ZFPM2: variants seen among roughly 807,000 people sequenced by gnomAD.
ZFPM2 encodes zinc finger protein ZFPM2.
In ZFPM2, 20 loss-of-function variants were observed where a neutral mutation model predicts 98.6. The observed-to-expected ratio is 0.20, with a 90% CI of 0.14 to 0.29. ZFPM2 has a LOEUF of 0.29. Among genes scored for constraint, ZFPM2 ranks in the 10% least tolerant of loss-of-function variants. The probability of loss-of-function intolerance (pLI) is 1.00; values close to 1 mark genes in which losing one functional copy is unlikely to be tolerated. For missense variants in ZFPM2, 1,310 were observed against 1,388.6 expected (o/e 0.94, Z 0.90); for synonymous variants, 518 against 502.7 (o/e 1.03, Z -0.41).
At chr8:105,601,711 G>A (rs546248304) in intron 4 of ZFPM2, among the ~76,000 whole-genome samples, 31 of 152,184 alleles carry the variant, frequency 2.0e-4, no homozygotes, top group African/African-American at 6.7e-4. Context: ...AGGATTTGCA[G>A]AAAGTCACAC....
chr8:105,771,057 G>C (rs1236683160), intron 5 of ZFPM2, among the ~76,000 whole-genome samples: 2 of 152,162 alleles, frequency 1.3e-5, no homozygotes, highest in Admixed American at 1.3e-4. Context: ...TAAAGGAAGA[G>C]AAATATGTTG....
chr8:105,642,520 A>C (rs1032446033), intron 5 of ZFPM2, among the ~76,000 whole-genome samples: 2 of 152,176 alleles, frequency 1.3e-5, no homozygotes, highest in African/African-American at 4.8e-5. Flanking sequence ...TCTTTGCCTT[A>C]TCCACAAAGT....
At chr8:105,693,631 T>C (rs754188865) in intron 5 of ZFPM2, among the ~76,000 whole-genome samples, 1 of 152,240 alleles carries the variant, frequency 6.6e-6, no homozygotes, top group Non-Finnish European at 1.5e-5. Flanking sequence ...TTGTTATCCA[T>C]TTTAAATTTT....
intron 3 of ZFPM2, among the ~76,000 whole-genome samples, chr8:105,482,855 G>T (rs1813147071): frequency 6.6e-6 from 1 of 151,746 alleles, no homozygotes; most frequent in South Asian, 2.1e-4. Context: ...GTTGATACTT[G>T]CATCTCATTT....
chr8:105,416,057 G>A (rs1295505258), intron 1 of ZFPM2, among the ~76,000 whole-genome samples: 1 of 151,704 alleles, frequency 6.6e-6, no homozygotes, highest in Non-Finnish European at 1.5e-5. Flanking sequence ...CAAAGGAATA[G>A]CCAACATGTA....
At chr8:105,755,727 T>C (rs1209838654) in intron 5 of ZFPM2, among the ~76,000 whole-genome samples, 1 of 152,086 alleles carries the variant, frequency 6.6e-6, no homozygotes, top group Non-Finnish European at 1.5e-5. Flanking sequence ...ACTGCCTTTT[T>C]TAAAAAAACA....
At chr8:105,567,406 C>A (rs570327495) in intron 4 of ZFPM2, among the ~76,000 whole-genome samples, 1 of 152,326 alleles carries the variant, frequency 6.6e-6, no homozygotes, top group Admixed American at 6.5e-5. Context: ...AACACCTCCG[C>A]TTCCCTTCCT....
intron 4 of ZFPM2, among the ~76,000 whole-genome samples, chr8:105,628,889 C>T (rs559193986): frequency 2.0e-5 from 3 of 147,760 alleles, no homozygotes; most frequent in South Asian, 2.2e-4. Flanking sequence ...CCTTTGCCCT[C>T]GCTGGTGATG....
intron 4 of ZFPM2, among the ~76,000 whole-genome samples, chr8:105,573,754 G>T (rs1369589254): frequency 2.6e-5 from 4 of 152,064 alleles, no homozygotes; most frequent in Non-Finnish European, 5.9e-5. Flanking sequence ...TTCTCCTTTG[G>T]TAATTTTGAG....
chr8:105,656,266 T>C (rs1817284577), intron 5 of ZFPM2, among the ~76,000 whole-genome samples: 1 of 152,188 alleles, frequency 6.6e-6, no homozygotes, highest in South Asian at 2.1e-4. Context: ...AACTATCTGC[T>C]GTGTTTTCTT....
chr8:105,501,438 G>A (rs1813594132), intron 3 of ZFPM2, among the ~76,000 whole-genome samples: 1 of 151,522 alleles, frequency 6.6e-6, no homozygotes, highest in African/African-American at 2.4e-5. Context: ...ACCCGCCTGG[G>A]CCTCCCAAAC....
At chr8:105,394,155 A>G (rs1390473465) in intron 1 of ZFPM2, among the ~76,000 whole-genome samples, 2 of 152,058 alleles carry the variant, frequency 1.3e-5, no homozygotes, top group Non-Finnish European at 2.9e-5. Flanking sequence ...GGCCTCCCAA[A>G]GTGCTGGGAT....
intron 5 of ZFPM2, among the ~76,000 whole-genome samples, chr8:105,720,218 G>T (rs999762614): frequency 3.3e-4 from 50 of 151,826 alleles, no homozygotes; most frequent in Non-Finnish European, 3.4e-4. Flanking sequence ...TTATTCATAC[G>T]ATTCTGCTCA....
intron 1 of ZFPM2, among the ~76,000 whole-genome samples, chr8:105,414,143 A>G (rs543831046): frequency 1.2e-3 from 184 of 152,146 alleles, no homozygotes; most frequent in African/African-American, 4.2e-3. Context: ...CTGTAGTTCC[A>G]TAATGACAGA....
chr8:105,472,094 A>C (rs1586397271), intron 3 of ZFPM2, among the ~76,000 whole-genome samples: 1 of 152,342 alleles, frequency 6.6e-6, no homozygotes, highest in East Asian at 1.9e-4. Flanking sequence ...ACTGGAGGCC[A>C]CTGAGCTTTA....
chr8:105,417,462 T>G (rs527467485), intron 1 of ZFPM2, among the ~76,000 whole-genome samples: 2 of 152,238 alleles, frequency 1.3e-5, no homozygotes, highest in East Asian at 3.9e-4. Flanking sequence ...AGCTCATGTC[T>G]TCTTTTGATC....
chr8:105,609,346 TG>T (rs777512785), intron 4 of ZFPM2, among the ~76,000 whole-genome samples: 12 of 152,022 alleles, frequency 7.9e-5, no homozygotes, highest in Non-Finnish European at 1.5e-4. Context: ...GAATAACAAA[TG>T]GGATCTTTTG....
At chr8:105,413,482 TTATA>T (rs200856542) in intron 1 of ZFPM2, among the ~76,000 whole-genome samples, 6,229 of 139,908 alleles carry the variant, frequency 0.045, 229 homozygotes, top group Admixed American at 0.085. Context: ...AATTCAAACA[TTATA>T]TATATATATA....
intron 3 of ZFPM2, among the ~76,000 whole-genome samples, chr8:105,455,664 T>G: frequency 6.6e-6 from 1 of 152,188 alleles, no homozygotes; most frequent in East Asian, 1.9e-4. Context: ...ACTGGCCTTA[T>G]CAAGAGATCA....
Sources: gnomAD v4.1 joint callset for allele counts (sites outside exome capture counted in the v4.1 genomes callset) on GRCh38, gnomAD v4.1.1 for gene constraint, MANE v1.5 for transcripts, NCBI Gene and HGNC (gene_info 2026-07-23, HGNC 2026-07-21) for gene names.